Variants in FGF12 observed in about 807,000 individuals in gnomAD.
The protein encoded by FGF12 is fibroblast growth factor 12B.
Under a neutral mutation model 23.6 loss-of-function variants are expected in FGF12, and 14 were observed. That is an observed-to-expected ratio of 0.59 (90% CI 0.39 to 0.93). FGF12 has a LOEUF of 0.93. Among genes scored for constraint, FGF12 ranks in the 40% least tolerant of loss-of-function variants. The pLI is 0.00. For missense variants in FGF12, 175 were observed against 217.8 expected (o/e 0.80, Z 1.24); for synonymous variants, 62 against 77.3 (o/e 0.80, Z 1.04).
intron 2 of FGF12, among the ~76,000 whole-genome samples, chr3:192,417,769 C>T (rs1049072384): frequency 6.6e-6 from 1 of 152,026 alleles, no homozygotes; most frequent in African/African-American, 2.4e-5. Flanking sequence ...AACCCTGCTG[C>T]AACCCTGATA....
chr3:192,684,417 A>C (rs1717658436), intron 2 of FGF12, among the ~76,000 whole-genome samples: 2 of 152,246 alleles, frequency 1.3e-5, no homozygotes, highest in Non-Finnish European at 2.9e-5. Context: ...CCAACTGATC[A>C]GGGTTTGTTT....
intron 2 of FGF12, among the ~76,000 whole-genome samples, chr3:192,493,702 G>A (rs1723867412): frequency 6.6e-6 from 1 of 152,102 alleles, no homozygotes; most frequent in South Asian, 2.1e-4. Context: ...GGCCAGACCA[G>A]GAGGAAGAGA....
intron 4 of FGF12, among the ~76,000 whole-genome samples, chr3:192,279,447 TAAC>T (rs1349590531): frequency 1.3e-5 from 2 of 152,118 alleles, no homozygotes; most frequent in Non-Finnish European, 2.9e-5. Flanking sequence ...TTAATTCTAA[TAAC>T]AACCCTATGA....
chr3:192,654,425 AAT>A (rs1223663292), intron 2 of FGF12, among the ~76,000 whole-genome samples: 1 of 152,238 alleles, frequency 6.6e-6, no homozygotes, highest in Non-Finnish European at 1.5e-5. Context: ...TGATAAAAAA[AAT>A]AAATAATCTC....
intron 4 of FGF12, among the ~76,000 whole-genome samples, chr3:192,270,819 A>G (rs200670714): frequency 8.0e-5 from 9 of 112,986 alleles, no homozygotes; most frequent in African/African-American, 2.0e-4. Context: ...AAGGAAGGAA[A>G]GAAGGAAGGA....
In FGF12 at chr3:192,141,030, A is replaced by G. The variant is rs1213408446; in HGVS notation, c.*2979T>C. 1.3e-5 allele frequency: 2 copies of G among 151,092 alleles called. No homozygotes were observed. The highest frequency in any genetic ancestry group is 3.0e-5 in the Non-Finnish European group (2 of 67,728). 9.4% of individuals were successfully genotyped at this position (151,092 alleles called of 1,614,324 possible). A position where few individuals can be genotyped will look rare whatever the true frequency, so the allele number is the denominator to read the frequency against. On this transcript the variant is annotated 3_prime_UTR_variant, in exon 6 of 6. Transcript: ENST00000445105. ...TGATTTTGAAACTTATTCCAATAAG[A>G]ACTCAGAATAAACATATCTTAATTT...
intron 4 of FGF12, among the ~76,000 whole-genome samples, chr3:192,279,366 A>G (rs1007978885): frequency 6.6e-6 from 1 of 152,030 alleles, no homozygotes; most frequent in African/African-American, 2.4e-5. Context: ...AGCATTTAAG[A>G]CAATCAATAG....
chr3:192,596,874 A>C (rs1378433739), intron 2 of FGF12, among the ~76,000 whole-genome samples: 1 of 152,204 alleles, frequency 6.6e-6, no homozygotes, highest in East Asian at 1.9e-4. Flanking sequence ...AGGCTGCTAA[A>C]CTTTCTGGAA....
At chr3:192,556,430 C>A (rs1234557570) in intron 2 of FGF12, among the ~76,000 whole-genome samples, 1 of 151,964 alleles carries the variant, frequency 6.6e-6, no homozygotes, top group Non-Finnish European at 1.5e-5. Context: ...CAAAGAAGGA[C>A]ATTATATAAT....
At chr3:192,225,982 T>C (rs1358544332) in intron 4 of FGF12, among the ~76,000 whole-genome samples, 1 of 152,140 alleles carries the variant, frequency 6.6e-6, no homozygotes, top group Non-Finnish European at 1.5e-5. Flanking sequence ...TGGTAGTGGG[T>C]ATGGGATTTA....
chr3:192,176,796 T>C (rs1715886615), intron 4 of FGF12, among the ~76,000 whole-genome samples: 1 of 152,228 alleles, frequency 6.6e-6, no homozygotes, highest in African/African-American at 2.4e-5. Flanking sequence ...ACCATTCATT[T>C]ATAGGTTGCA....
At chr3:192,440,492 T>A (rs749041815) in intron 2 of FGF12, among the ~76,000 whole-genome samples, 23 of 152,180 alleles carry the variant, frequency 1.5e-4, no homozygotes, top group Admixed American at 3.9e-4. Flanking sequence ...ATGTATAGTG[T>A]GATACCATCC....
At chr3:192,668,797 G>A (rs555801328) in intron 2 of FGF12, among the ~76,000 whole-genome samples, 16 of 152,194 alleles carry the variant, frequency 1.1e-4, no homozygotes, top group African/African-American at 3.9e-4. Context: ...GCTCAGCAAT[G>A]GGACATAAAG....
At chr3:192,598,690 C>T (rs1560164504) in intron 2 of FGF12, among the ~76,000 whole-genome samples, 1 of 152,104 alleles carries the variant, frequency 6.6e-6, no homozygotes, top group African/African-American at 2.4e-5. Flanking sequence ...AACCCTAGAG[C>T]ACATGGCACA....
intron 2 of FGF12, among the ~76,000 whole-genome samples, chr3:192,631,008 A>G (rs1715373084): frequency 6.6e-6 from 1 of 152,086 alleles, no homozygotes; most frequent in Admixed American, 6.6e-5. Flanking sequence ...TTGCCTCATA[A>G]CACAATTTAC....
intron 2 of FGF12, among the ~76,000 whole-genome samples, chr3:192,475,471 T>A (rs1172042526): frequency 6.6e-6 from 1 of 152,220 alleles, no homozygotes; most frequent in East Asian, 1.9e-4. Context: ...GTTGCAAGCC[T>A]TAGATGACTG....
At chr3:192,608,421 T>C (rs1348595994) in intron 2 of FGF12, among the ~76,000 whole-genome samples, 2 of 152,136 alleles carry the variant, frequency 1.3e-5, no homozygotes, top group African/African-American at 4.8e-5. Context: ...GCTCTGTATA[T>C]ATACACCTAC....
chr3:192,178,390 CT>C (rs1373086472), intron 4 of FGF12, among the ~76,000 whole-genome samples: 1 of 152,140 alleles, frequency 6.6e-6, no homozygotes, highest in Non-Finnish European at 1.5e-5. Context: ...GTAATTATGA[CT>C]AATGACTCTC....
chr3:192,611,741 C>A (rs1044090770), intron 2 of FGF12, among the ~76,000 whole-genome samples: 3 of 152,010 alleles, frequency 2.0e-5, no homozygotes, highest in African/African-American at 7.2e-5. Flanking sequence ...GAAGGAGCAA[C>A]AGATATAAGT....
Sources: allele counts gnomAD v4.1 joint callset (sites outside exome capture counted in the v4.1 genomes callset), GRCh38; gene constraint gnomAD v4.1.1; transcripts MANE v1.5; gene names NCBI Gene and HGNC (gene_info 2026-07-23, HGNC 2026-07-21).